Variants in UBXN11 observed in about 807,000 individuals in gnomAD.
UBXN11 encodes the protein UBX domain-containing protein 11.
In UBXN11, 47 loss-of-function variants were observed where a neutral mutation model predicts 62.8. That is an observed-to-expected ratio of 0.75 (90% CI 0.59 to 0.95). UBXN11 has a LOEUF of 0.95. Among genes scored for constraint, UBXN11 ranks in the 40% least tolerant of loss-of-function variants. The pLI is 0.00. For missense variants in UBXN11, 638 were observed against 661.7 expected, an observed-to-expected ratio of 0.96 and a Z score of 0.39; for synonymous variants, 294 against 267.0, an observed-to-expected ratio of 1.10 and a Z score of -0.99.
intron 4 of UBXN11, among the ~76,000 whole-genome samples, chr1:26,299,510 C>T (rs2073475383): frequency 2.8e-5 from 2 of 70,954 alleles, no homozygotes; most frequent in Admixed American, 2.7e-4. Flanking sequence ...AAGGCAGTCT[C>T]CAAAAAAAAA....
intron 1 of UBXN11, among the ~76,000 whole-genome samples, chr1:26,314,876 G>C (rs1051795744): frequency 4.5e-4 from 68 of 152,146 alleles, no homozygotes; most frequent in Non-Finnish European, 1.0e-4. Context: ...GAAGAATAAA[G>C]AAGAGTTTGC....
chr1:26,285,150 G>A, intron 10 of UBXN11: 2 of 1,137,106 alleles, frequency 1.8e-6, no homozygotes, highest in Admixed American at 4.4e-5. Context: ...GAGACTTGGG[G>A]GACAGCCGGG....
intron 8 of UBXN11, among the ~76,000 whole-genome samples, chr1:26,292,820 C>G (rs1200311913): frequency 6.6e-6 from 1 of 151,876 alleles, no homozygotes; most frequent in Non-Finnish European, 1.5e-5. Flanking sequence ...TGCCATTGCA[C>G]TCTAGCCTGG....
rs1482996013 is a variant in UBXN11, at chr1:26,286,056, A to T, written c.560-19T>A. 1 of 1,576,714 alleles carries T rather than the reference A, an allele frequency of 6.3e-7. No individual in the cohort carries two copies. Among genetic ancestry groups the T allele is most frequent in the South Asian group, 1.1e-5 (1 of 87,930 alleles). ...GAGTCCCCTGGCAAAGAGGACAGAC[A>T]CCTGTGAGCCGCCTTTTGGCTGTCA... On this transcript the variant is annotated intron_variant, in intron 8 of 14. Coordinates refer to ENST00000374222, the MANE Select transcript of UBXN11 (RefSeq NM_001389556.1).
chr1:26,297,445 T>C lies in UBXN11; in HGVS notation c.337A>G (p.Thr113Ala). ...CCCCTACCTGGGTGTGGCCGGAGGG[T>C]CTGCACCAGGTCCTCTAGGGCCGCT... Reference protein sequence around the residue: ...KIAALEDLVQTLRPHPAEATL... With the variant: ...KIAALEDLVQALRPHPAEATL... Residue 113 changes from threonine to alanine, a missense_variant, in exon 6 of 15, where the codon ACC (threonine) becomes GCC (alanine). By Grantham distance (58) the Thr-to-Ala change is moderately conservative. Coordinates refer to ENST00000374222, the MANE Select transcript of UBXN11 (RefSeq NM_001389556.1). 6.4e-7 allele frequency: 1 copy of C among 1,554,166 alleles called. No homozygotes were observed. Among genetic ancestry groups the C allele is most frequent in the Non-Finnish European group, 8.7e-7 (1 of 1,148,674 alleles).
chr1:26,298,204 A>G, intron 4 of UBXN11, 142 bp from the exon 5 acceptor site: 1 of 779,234 alleles, frequency 1.3e-6, no homozygotes, highest in East Asian at 2.7e-5. Flanking sequence ...ACTGTTCTAA[A>G]CACTTCATGT....
intron 2 of UBXN11, among the ~76,000 whole-genome samples, chr1:26,302,174 G>A (rs1338014479): frequency 6.6e-6 from 1 of 151,890 alleles, no homozygotes; most frequent in Non-Finnish European, 1.5e-5. Context: ...ACCATCCTGG[G>A]TAACACAGTG....
At chr1:26,298,343 T>A (rs1365853581) in intron 4 of UBXN11, among the ~76,000 whole-genome samples, 2 of 152,184 alleles carry the variant, frequency 1.3e-5, no homozygotes, top group Non-Finnish European at 2.9e-5. Context: ...ATGGGTGACA[T>A]CACCCTGAAG....
chr1:26,297,674 A>G (rs2073426843), intron 5 of UBXN11, among the ~76,000 whole-genome samples, 193 bp from the exon 6 acceptor site: 1 of 152,084 alleles, frequency 6.6e-6, no homozygotes, highest in Non-Finnish European at 1.5e-5. Flanking sequence ...TGCGGCCCAC[A>G]CCTGAGGACC....
chr1:26,282,328 AGGGACTGGGGCCGGGACCGGGACC>A lies in UBXN11; in HGVS notation c.1510_1533del (p.Gly504_Pro511del), dbSNP rs66614970. On this transcript the variant is annotated inframe_deletion, in exon 15 of 15. Coordinates refer to ENST00000374222, the MANE Select transcript of UBXN11 (RefSeq NM_001389556.1). ...TGGGGGCTGGGACTGGGTCCAGGAC[AGGGACTGGGGCCGGGACCGGGACC>A]GGGACTGGGGCCGGGACCGGGACCG... 0.022 allele frequency: 16,926 copies of A among 764,054 alleles called. 715 individuals are homozygous for A. The highest frequency in any genetic ancestry group is 0.083 in the South Asian group (3,700 of 44,332). The allele number at this position is 764,054 out of a possible 1,614,324, so 47.3% of individuals were successfully genotyped here. A position where few individuals can be genotyped will look rare whatever the true frequency, so the allele number is the denominator to read the frequency against.
intron 1 of UBXN11, among the ~76,000 whole-genome samples, chr1:26,305,995 A>G (rs1270396875): frequency 6.6e-6 from 1 of 152,200 alleles, no homozygotes; most frequent in Admixed American, 6.5e-5. Context: ...CTCCAGGTTA[A>G]TCTTCTCCCA....
chr1:26,298,780 G>GAA (rs11368453), intron 4 of UBXN11, among the ~76,000 whole-genome samples: 1,023 of 61,610 alleles, frequency 0.017, 31 homozygotes, highest in East Asian at 0.092. Context: ...CTCTGTCTCA[G>GAA]AAAAAAAAAA....
chr1:26,285,990 T>C lies in UBXN11; in HGVS notation c.607A>G (p.Ser203Gly), dbSNP rs1166000601. The C allele has an allele frequency of 3.7e-6, 6 of 1,612,154 alleles. No homozygotes were observed. The highest frequency in any genetic ancestry group is 5.1e-6 in the Non-Finnish European group (6 of 1,178,712). ...ACCAGCTCACTAAGATCCTGCAGGC[T>C]GGCCAGCAGCCTGTCAAAGTCCACC... is the stretch of plus-strand genomic sequence containing the variant. Reference protein sequence around the residue: ...PEVDFDRLLASLQDLSELVVE... With the variant: ...PEVDFDRLLAGLQDLSELVVE... The change falls in exon 9 of 15, where the codon AGC becomes GGC. Residue 203 changes from serine to glycine, a missense_variant. Ser to Gly is a moderately conservative substitution (Grantham distance 56). Transcript: ENST00000374222.
intron 8 of UBXN11, among the ~76,000 whole-genome samples, chr1:26,287,694 C>T (rs2073163941): frequency 1.3e-5 from 2 of 152,042 alleles, no homozygotes; most frequent in Admixed American, 1.3e-4. Flanking sequence ...AGCTGGCCTT[C>T]TCCTCTCCCC....
At position 26,296,934 on chromosome 1, in the gene UBXN11, C is replaced by T; in HGVS notation, c.417G>A (p.Gln139=). Residue 139 remains glutamine, a synonymous_variant, in exon 7 of 15, where the codon CAG becomes CAA. Coordinates refer to ENST00000374222, the MANE Select transcript of UBXN11 (RefSeq NM_001389556.1). The part of the protein sequence containing the change: ...LETMCVQLQR[Q]VREMERFLSD... ...GCTCTCTCACCTCCATCTCCCTGAC[C>T]TGCCGCTGCAGCTGCACACACATCG... is the stretch of plus-strand genomic sequence containing the variant. 1 of 1,606,632 alleles carries T rather than the reference C, an allele frequency of 6.2e-7. No homozygotes were observed. The highest frequency in any genetic ancestry group is 1.3e-5 in the African/African-American group (1 of 74,970).
In UBXN11 at chr1:26,285,510, A is replaced by G. The variant is rs776481715; in HGVS notation, c.806T>C (p.Phe269Ser). The change falls in exon 10 of 15, where the codon TTT (phenylalanine) becomes TCT (serine). Residue 269 changes from phenylalanine to serine, a missense_variant. Transcript: ENST00000374222. ...GTACAGTCGCTGGAGCTCTGAGGGAAAGAAGCCATCCAATATGTCTCGGAG... is the reference window on the plus strand; with the variant it reads ...GTACAGTCGCTGGAGCTCTGAGGGAGAGAAGCCATCCAATATGTCTCGGAG... ...RCLRDILDGF[F>S]PSELQRLYPN... 3.1e-6 allele frequency: 5 copies of G among 1,599,556 alleles called. No homozygotes were observed. The highest frequency in any genetic ancestry group is 2.3e-5 in the East Asian group (1 of 44,424).
At chr1:26,284,625 G>C in intron 10 of UBXN11, 143 bp from the exon 11 acceptor site, 1 of 1,397,078 alleles carries the variant, frequency 7.2e-7, no homozygotes, top group African/African-American at 1.5e-5. Flanking sequence ...CCAGGCCTCA[G>C]GAGAGCCACG....
At chr1:26,286,196 CTT>C (rs1259422107) in intron 8 of UBXN11, among the ~76,000 whole-genome samples, 159 bp from the exon 9 acceptor site, 2 of 152,228 alleles carry the variant, frequency 1.3e-5, no homozygotes, top group African/African-American at 4.8e-5. Flanking sequence ...CAGCAGCTGT[CTT>C]TTATTGAGCA....
At chr1:26,290,071 C>A (rs2073223502) in intron 8 of UBXN11, among the ~76,000 whole-genome samples, 1 of 152,214 alleles carries the variant, frequency 6.6e-6, no homozygotes, top group African/African-American at 2.4e-5. Flanking sequence ...CTCTCTGGCC[C>A]CTGCCATTGA....
Sources: allele counts gnomAD v4.1 joint callset (sites outside exome capture counted in the v4.1 genomes callset), GRCh38; gene constraint gnomAD v4.1.1; transcripts MANE v1.5; gene names NCBI Gene and HGNC (gene_info 2026-07-23, HGNC 2026-07-21).